NRG1: variants seen among roughly 807,000 people sequenced by gnomAD.
The protein encoded by NRG1 is pro-neuregulin-1, membrane-bound isoform.
A neutral mutation model predicts 63.8 loss-of-function variants in NRG1; 18 were observed. The observed-to-expected ratio is 0.28, with a 90% CI of 0.19 to 0.42. NRG1 has a LOEUF of 0.42. Among genes scored for constraint, NRG1 ranks in the 10% least tolerant of loss-of-function variants. The pLI is 1.00. For missense variants in NRG1, 762 were observed against 814.7 expected (o/e 0.94, Z 0.79); for synonymous variants, 302 against 301.3 (o/e 1.00, Z -0.02).
At chr8:32,390,734 G>A (rs893121146) in intron 1 of NRG1, among the ~76,000 whole-genome samples, 4 of 151,908 alleles carry the variant, frequency 2.6e-5, no homozygotes, top group African/African-American at 9.7e-5. Flanking sequence ...CCATACTCTG[G>A]TAATTGGCTG....
intron 1 of NRG1, among the ~76,000 whole-genome samples, chr8:31,946,040 T>C (rs955824155): frequency 7.9e-5 from 12 of 152,212 alleles, no homozygotes; most frequent in Non-Finnish European, 7.3e-5. Flanking sequence ...TTTTACCTTT[T>C]TGGTTTTTTG....
chr8:31,796,153 T>G (rs2131688563), intron 1 of NRG1, among the ~76,000 whole-genome samples: 1 of 152,262 alleles, frequency 6.6e-6, no homozygotes, highest in South Asian at 2.1e-4. Context: ...AATTGACATG[T>G]TGGGACATTC....
chr8:31,840,708 T>C (rs562069479), intron 1 of NRG1, among the ~76,000 whole-genome samples: 3 of 152,284 alleles, frequency 2.0e-5, no homozygotes, highest in Admixed American at 1.3e-4. Context: ...TCCATTTTTC[T>C]CTGTGTGACG....
chr8:32,184,423 T>C (rs2132131239), intron 1 of NRG1, among the ~76,000 whole-genome samples: 1 of 152,326 alleles, frequency 6.6e-6, no homozygotes, highest in South Asian at 2.1e-4. Flanking sequence ...AGGCCCAGCA[T>C]ATACCCCGAA....
intron 1 of NRG1, among the ~76,000 whole-genome samples, chr8:32,213,297 A>G (rs1408594997): frequency 6.6e-6 from 1 of 152,184 alleles, no homozygotes; most frequent in Non-Finnish European, 1.5e-5. Flanking sequence ...AAGGAAGAAG[A>G]TCATATCCTT....
intron 1 of NRG1, among the ~76,000 whole-genome samples, chr8:32,149,577 C>T (rs2131813557): frequency 6.6e-6 from 1 of 152,190 alleles, no homozygotes; most frequent in South Asian, 2.1e-4. Flanking sequence ...TATATGTTTT[C>T]TTTAAAAATA....
At chr8:31,780,814 CTAG>C (rs778126923) in intron 1 of NRG1, among the ~76,000 whole-genome samples, 4 of 152,050 alleles carry the variant, frequency 2.6e-5, no homozygotes, top group African/African-American at 4.8e-5. Context: ...AACCTTGGTT[CTAG>C]TGTTTTCTCT....
chr8:32,560,439 A>G (rs558861951), intron 1 of NRG1, among the ~76,000 whole-genome samples: 1 of 152,358 alleles, frequency 6.6e-6, no homozygotes, highest in African/African-American at 2.4e-5. Flanking sequence ...ACCAGGTGCC[A>G]TCATGGTGCT....
chr8:31,928,278 CA>C (rs1200848081), intron 1 of NRG1, among the ~76,000 whole-genome samples: 2 of 139,102 alleles, frequency 1.4e-5, no homozygotes, highest in Non-Finnish European at 3.0e-5. Context: ...ATCACAATGA[CA>C]TACCACCTTA....
rs150227318 is a variant in NRG1, at chr8:32,262,929, C to A, written c.38-332899C>A. 4.6e-5 allele frequency among the ~76,000 whole-genome samples: 7 copies of A among 152,264 alleles called. No individual in the cohort carries two copies. In the East Asian group the frequency reaches 1.4e-3, roughly 29 times the overall value. Reference sequence around the variant, plus strand: ...CTGGCCACTCATACCATCCCTTTATCTAACTCTTCCTCCTCATCCAGTCCC... The same window carrying A: ...CTGGCCACTCATACCATCCCTTTATATAACTCTTCCTCCTCATCCAGTCCC... On this transcript the variant is annotated intron_variant, in intron 1 of 10. Transcript: ENST00000519301.
intron 1 of NRG1, among the ~76,000 whole-genome samples, chr8:32,109,779 A>G (rs1831763967): frequency 6.6e-6 from 1 of 152,168 alleles, no homozygotes; most frequent in Non-Finnish European, 1.5e-5. Context: ...CATGGATATT[A>G]ATAATATGAC....
chr8:31,732,076 A>G (rs1011545911), intron 1 of NRG1, among the ~76,000 whole-genome samples: 2 of 152,082 alleles, frequency 1.3e-5, no homozygotes, highest in African/African-American at 2.4e-5. Flanking sequence ...TCCTAGCACT[A>G]GTAAGGAGTT....
chr8:31,800,949 A>T (rs190494502), intron 1 of NRG1, among the ~76,000 whole-genome samples: 154 of 143,162 alleles, frequency 1.1e-3, no homozygotes, highest in Middle Eastern at 3.9e-3. Flanking sequence ...CACGCCATTC[A>T]CCTGCCTCAG....
chr8:32,134,480 T>C (rs190180957), intron 1 of NRG1, among the ~76,000 whole-genome samples: 25 of 152,272 alleles, frequency 1.6e-4, no homozygotes, highest in Admixed American at 1.6e-3. Flanking sequence ...ATTATCTCTT[T>C]TATTCTCCAA....
At chr8:31,666,462 A>C (rs1806551929) in intron 1 of NRG1, among the ~76,000 whole-genome samples, 1 of 152,184 alleles carries the variant, frequency 6.6e-6, no homozygotes, top group Non-Finnish European at 1.5e-5. Context: ...GGAAAAAAGA[A>C]ATACTCTTGG....
rs139927733 is a variant in NRG1, at chr8:31,731,417, TACAC to T, written c.37+92012_37+92015del. ...AAAAGTAGGATACAAAATTATGTCA[TACAC>T]ACACACACACACACACACACACACA... On this transcript the variant is annotated intron_variant, in intron 1 of 10. Transcript: ENST00000519301. 2.1e-3 allele frequency among the ~76,000 whole-genome samples: 311 copies of T among 148,380 alleles called. 1 individual carries two copies. The highest frequency in any genetic ancestry group is 7.0e-3 in the Middle Eastern group (2 of 286).
At chr8:32,014,902 T>C (rs1052567761) in intron 1 of NRG1, among the ~76,000 whole-genome samples, 1 of 151,806 alleles carries the variant, frequency 6.6e-6, no homozygotes, top group African/African-American at 2.4e-5. Context: ...CCAAAGAGGA[T>C]GAAGGCAGTG....
At chr8:31,952,237 A>G (rs1803587180) in intron 1 of NRG1, among the ~76,000 whole-genome samples, 1 of 152,216 alleles carries the variant, frequency 6.6e-6, no homozygotes, top group Non-Finnish European at 1.5e-5. Context: ...CATGACTGGA[A>G]CTTTTCTGAA....
intron 1 of NRG1, among the ~76,000 whole-genome samples, chr8:31,674,419 C>A (rs1807468957): frequency 6.6e-6 from 1 of 152,128 alleles, no homozygotes; most frequent in Non-Finnish European, 1.5e-5. Flanking sequence ...GGATACAAGT[C>A]CCTTATTGGA....
Sources: allele counts gnomAD v4.1 joint callset (sites outside exome capture counted in the v4.1 genomes callset), GRCh38; gene constraint gnomAD v4.1.1; transcripts MANE v1.5; gene names NCBI Gene and HGNC (gene_info 2026-07-23, HGNC 2026-07-21).